TSPAN15: variants seen among roughly 807,000 people sequenced by gnomAD.
The protein encoded by TSPAN15 is tetraspanin 15, also known as tetraspanin-15.
Under a neutral mutation model 34.5 loss-of-function variants are expected in TSPAN15, and 20 were observed. The ratio of observed to expected loss-of-function variants is 0.58; its 90% CI spans 0.41 to 0.84. TSPAN15 has a LOEUF of 0.84. Among genes scored for constraint, TSPAN15 ranks in the 40% least tolerant of loss-of-function variants. The pLI is 0.00. For synonymous variants in TSPAN15, 155 were observed against 153.9 expected (o/e 1.01, Z -0.05); for missense variants, 313 against 386.1 (o/e 0.81, Z 1.59).
intron 1 of TSPAN15, among the ~76,000 whole-genome samples, chr10:69,468,359 A>AG (rs1386762192): frequency 6.6e-6 from 1 of 152,142 alleles, no homozygotes; most frequent in African/African-American, 2.4e-5. Flanking sequence ...ACTGATGTGT[A>AG]GGGCAGTGGC....
chr10:69,524,640 GAA>G, the TSPAN15 span, among the ~76,000 whole-genome samples: 11 of 114,394 alleles, frequency 9.6e-5, no homozygotes, highest in Non-Finnish European at 1.1e-4. Context: ...TTGCAAACTA[GAA>G]AAAAAAAAAA....
At chr10:69,464,327 C>T (rs1841335034) in intron 1 of TSPAN15, among the ~76,000 whole-genome samples, 1 of 150,894 alleles carries the variant, frequency 6.6e-6, no homozygotes, top group Non-Finnish European at 1.5e-5. Context: ...CAGGGAGGGC[C>T]CTGAGAACCA....
chr10:69,533,590 C>G, the TSPAN15 span, among the ~76,000 whole-genome samples: 1 of 152,014 alleles, frequency 6.6e-6, no homozygotes, highest in African/African-American at 2.4e-5. Flanking sequence ...ATGGGTGCAC[C>G]AAAATCTCAC....
At chr10:69,479,387 A>G (rs1172774903) in intron 1 of TSPAN15, among the ~76,000 whole-genome samples, 1 of 152,248 alleles carries the variant, frequency 6.6e-6, no homozygotes, top group Non-Finnish European at 1.5e-5. Context: ...GGTCTGGTTC[A>G]TGCTGGGCCA....
intron 4 of TSPAN15, among the ~76,000 whole-genome samples, chr10:69,496,070 C>T (rs1187284174): frequency 6.6e-6 from 1 of 152,072 alleles, no homozygotes; most frequent in East Asian, 1.9e-4. Context: ...TGTGAGCAAC[C>T]TCAAGGGGAG....
the TSPAN15 span, among the ~76,000 whole-genome samples, chr10:69,536,788 C>T: frequency 6.6e-6 from 1 of 151,998 alleles, no homozygotes; most frequent in African/African-American, 2.4e-5. Flanking sequence ...AGTTTGAGAC[C>T]AGCCTGACCA....
chr10:69,485,290 T>A, intron 3 of TSPAN15, 75 bp downstream of exon 3: 1 of 1,270,730 alleles, frequency 7.9e-7, no homozygotes, highest in Non-Finnish European at 1.2e-6. Context: ...TAACTGGGGG[T>A]ATGGCAGTGA....
the TSPAN15 span, among the ~76,000 whole-genome samples, chr10:69,533,036 G>A: frequency 6.6e-6 from 1 of 152,208 alleles, no homozygotes; most frequent in Non-Finnish European, 1.5e-5. Flanking sequence ...GTAGATGCTG[G>A]TGTGGATGCG....
In TSPAN15 at chr10:69,485,089, C is replaced by G. The variant is rs371514698; in HGVS notation, c.283-52C>G. On this transcript the variant is annotated intron_variant, in intron 2 of 7. Coordinates refer to ENST00000373290, the MANE Select transcript of TSPAN15 (RefSeq NM_012339.5). ...AGCAGATGGTGCCTCCCCTGTACCC[C>G]ACACACGCCCACTGCTCCTCTCCAG... is the stretch of plus-strand genomic sequence containing the variant. 2.0e-4 allele frequency: 317 copies of G among 1,552,488 alleles called. 1 individual carries two copies. The highest frequency in any genetic ancestry group is 2.6e-4 in the Non-Finnish European group (293 of 1,123,894).
the TSPAN15 span, among the ~76,000 whole-genome samples, chr10:69,548,747 A>G: frequency 6.6e-6 from 1 of 152,230 alleles, no homozygotes; most frequent in Non-Finnish European, 1.5e-5. Context: ...CTAACTAAAA[A>G]AAAAATCCAG....
intron 5 of TSPAN15, among the ~76,000 whole-genome samples, chr10:69,499,462 T>C (rs1842156394): frequency 6.6e-6 from 1 of 152,076 alleles, no homozygotes; most frequent in South Asian, 2.1e-4. Flanking sequence ...CTGCGTGGGG[T>C]GATCCTGAAC....
In TSPAN15 at chr10:69,479,173, G is replaced by A. The variant is rs60147525; in HGVS notation, c.97-4518G>A. On this transcript the variant is annotated intron_variant, in intron 1 of 7. Transcript: ENST00000373290. ...AGAGCCTAGTATTTGCCTTTTGGGG[G>A]TGAAAATGGGCCTTGCAGGTCCTCG... Among the ~76,000 whole-genome samples the A allele has an allele frequency of 7.4e-3, 1,125 of 152,354 alleles. 13 individuals are homozygous for A. The highest frequency in any genetic ancestry group is 0.026 in the African/African-American group (1,078 of 41,572).
At chr10:69,478,416 C>T (rs1420288586) in intron 1 of TSPAN15, among the ~76,000 whole-genome samples, 1 of 152,194 alleles carries the variant, frequency 6.6e-6, no homozygotes. Context: ...CCCTGGACCT[C>T]AAATACTCCA....
chr10:69,523,072 G>T, the TSPAN15 span, among the ~76,000 whole-genome samples: 5 of 147,664 alleles, frequency 3.4e-5, 1 homozygote, highest in Admixed American at 1.4e-4. Flanking sequence ...TAGGTCTTTG[G>T]TCCATTTTGA....
At chr10:69,483,630 C>G in intron 1 of TSPAN15, 61 bp from the exon 2 acceptor site, 1 of 1,549,650 alleles carries the variant, frequency 6.5e-7, no homozygotes, top group Admixed American at 1.8e-5. Context: ...CCAGATGACT[C>G]TTTGCTGTAG....
chr10:69,504,355 T>C, intron 5 of TSPAN15, 83 bp from the exon 6 acceptor site: 1 of 1,398,396 alleles, frequency 7.2e-7, no homozygotes, highest in Non-Finnish European at 1.0e-6. Context: ...GCTTCGGTTT[T>C]CATCTGTAAA....
Position 69,507,017 on chromosome 10 carries a change from G to A in TSPAN15, c.*39G>A, listed in dbSNP as rs866091935. 9.4e-6 allele frequency: 15 copies of A among 1,594,300 alleles called. No individual in the cohort carries two copies. The Middle Eastern group carries it at 1.8e-3, about 195-fold the overall frequency. The stretch of plus-strand genomic sequence containing the variant: ...ATGGCAGCTCCAACAAGGACCGTCT[G>A]GGATAGCACCTCTCAGTCAACATCG... On this transcript the variant is annotated 3_prime_UTR_variant, in exon 8 of 8. Coordinates refer to ENST00000373290, the MANE Select transcript of TSPAN15 (RefSeq NM_012339.5).
chr10:69,539,464 G>GAAGAAGAAGA, the TSPAN15 span, among the ~76,000 whole-genome samples: 46 of 51,326 alleles, frequency 9.0e-4, 2 homozygotes, highest in South Asian at 3.1e-3. Context: ...GAAGAAGAAG[G>GAAGAAGAAGA]AGAAGGAGAA....
At chr10:69,539,476 G>GAGGAGAAGAAGA in the TSPAN15 span, among the ~76,000 whole-genome samples, 3 of 62,622 alleles carry the variant, frequency 4.8e-5, no homozygotes, top group Admixed American at 3.5e-4. Context: ...GAAGGAGAAG[G>GAGGAGAAGAAGA]AGAAGGAGAA....
Sources: gnomAD v4.1 joint callset for allele counts (sites outside exome capture counted in the v4.1 genomes callset) on GRCh38, gnomAD v4.1.1 for gene constraint, MANE v1.5 for transcripts, NCBI Gene and HGNC (gene_info 2026-07-23, HGNC 2026-07-21) for gene names.